Variants in POFUT3 observed in about 807,000 individuals in gnomAD.
POFUT3 encodes GDP-fucose protein O-fucosyltransferase 3.
chr8:33,417,474 T>G, the POFUT3 span, among the ~76,000 whole-genome samples: 1 of 152,128 alleles, frequency 6.6e-6, no homozygotes, highest in African/African-American at 2.4e-5. Flanking sequence ...GGTTGGGCAC[T>G]GCTGAATTAG....
chr8:33,465,637 A>G, the POFUT3 span, among the ~76,000 whole-genome samples: 1 of 151,892 alleles, frequency 6.6e-6, no homozygotes, highest in Non-Finnish European at 1.5e-5. Context: ...TAATTTTTCT[A>G]TTTGTAGTAG....
chr8:33,380,019 A>ATATATAC, the POFUT3 span, among the ~76,000 whole-genome samples: 28 of 86,206 alleles, frequency 3.2e-4, 3 homozygotes, highest in African/African-American at 1.2e-3. Context: ...TATATAGTAT[A>ATATATAC]TATATATACT....
At chr8:33,318,719 T>C in the POFUT3 span, among the ~76,000 whole-genome samples, 1 of 75,740 alleles carries the variant, frequency 1.3e-5, no homozygotes, top group East Asian at 4.3e-4. Flanking sequence ...ATAAATATAT[T>C]GTATATATAT....
chr8:33,375,738 C>G, the POFUT3 span, among the ~76,000 whole-genome samples: 3 of 151,790 alleles, frequency 2.0e-5, no homozygotes, highest in Non-Finnish European at 2.9e-5. Context: ...GTAAATAGGC[C>G]AGGTGTGGTG....
At chr8:33,364,314 C>A in the POFUT3 span, among the ~76,000 whole-genome samples, 2 of 152,176 alleles carry the variant, frequency 1.3e-5, no homozygotes, top group Non-Finnish European at 2.9e-5. Flanking sequence ...CAGCCAATAT[C>A]ATACTGAATG....
the POFUT3 span, among the ~76,000 whole-genome samples, chr8:33,404,606 T>C: frequency 6.6e-6 from 1 of 152,162 alleles, no homozygotes; most frequent in Non-Finnish European, 1.5e-5. Context: ...ATAAATGCCT[T>C]TATTGCTAAG....
the POFUT3 span, among the ~76,000 whole-genome samples, chr8:33,357,553 TAC>T: frequency 2.0e-5 from 3 of 151,880 alleles, no homozygotes; most frequent in African/African-American, 7.2e-5. Context: ...TATATATATA[TAC>T]ATATATATGT....
chr8:33,433,282 G>A, the POFUT3 span, among the ~76,000 whole-genome samples: 2 of 151,928 alleles, frequency 1.3e-5, no homozygotes, highest in Non-Finnish European at 2.9e-5. Flanking sequence ...GCCCTGCAGA[G>A]TCTGGGCAAC....
At chr8:33,309,181 T>C in the POFUT3 span, among the ~76,000 whole-genome samples, 5 of 106,080 alleles carry the variant, frequency 4.7e-5, no homozygotes, top group Non-Finnish European at 8.8e-5. Context: ...TATATATATA[T>C]ATATATATAT....
At chr8:33,323,173 A>C in the POFUT3 span, among the ~76,000 whole-genome samples, 1 of 152,176 alleles carries the variant, frequency 6.6e-6, no homozygotes, top group African/African-American at 2.4e-5. Context: ...GTAGCAAGGC[A>C]TGTGTCTGAG....
the POFUT3 span, among the ~76,000 whole-genome samples, chr8:33,388,119 C>T: frequency 6.8e-4 from 103 of 152,056 alleles, 1 homozygote; most frequent in Non-Finnish European, 1.3e-3. Context: ...TTATCCCCAC[C>T]ATTATTTCAG....
At chr8:33,392,064 G>T in the POFUT3 span, among the ~76,000 whole-genome samples, 3 of 152,124 alleles carry the variant, frequency 2.0e-5, no homozygotes, top group African/African-American at 7.2e-5. Context: ...AATAGTGGGA[G>T]ATGCTTATTA....
At chr8:33,469,471 T>G in the POFUT3 span, among the ~76,000 whole-genome samples, 7 of 152,294 alleles carry the variant, frequency 4.6e-5, no homozygotes, top group South Asian at 1.4e-3. Flanking sequence ...TAGTGCAAAT[T>G]TCAGGAGAGA....
the POFUT3 span, among the ~76,000 whole-genome samples, chr8:33,390,605 A>G: frequency 0.045 from 6,798 of 151,640 alleles, 506 homozygotes; most frequent in African/African-American, 0.16. Flanking sequence ...GAAATGTAGA[A>G]GATAGATTTT....
At chr8:33,410,461 A>G in the POFUT3 span, among the ~76,000 whole-genome samples, 1 of 151,994 alleles carries the variant, frequency 6.6e-6, no homozygotes, top group Non-Finnish European at 1.5e-5. Context: ...CCCACAGGGG[A>G]GGAGGAGCTG....
At chr8:33,443,204 CATTT>C in the POFUT3 span, among the ~76,000 whole-genome samples, 9 of 152,210 alleles carry the variant, frequency 5.9e-5, no homozygotes, top group African/African-American at 2.2e-4. Flanking sequence ...GGAATTACAT[CATTT>C]ATTAATAATT....
At chr8:33,400,882 C>T in the POFUT3 span, among the ~76,000 whole-genome samples, 2 of 152,168 alleles carry the variant, frequency 1.3e-5, no homozygotes, top group Non-Finnish European at 2.9e-5. Flanking sequence ...CTACTGACAT[C>T]GCCACGTTTT....
At chr8:33,317,708 C>T in the POFUT3 span, among the ~76,000 whole-genome samples, 2 of 151,804 alleles carry the variant, frequency 1.3e-5, no homozygotes, top group Non-Finnish European at 2.9e-5. Context: ...CCTCCTTTTT[C>T]CCCCCAGCAA....
the POFUT3 span, among the ~76,000 whole-genome samples, chr8:33,447,167 G>A: frequency 6.6e-6 from 1 of 152,174 alleles, no homozygotes. Flanking sequence ...AGTGATTCCA[G>A]GCCGGGCGCG....
Sources: allele counts gnomAD v4.1 joint callset (sites outside exome capture counted in the v4.1 genomes callset), GRCh38; gene constraint gnomAD v4.1.1; transcripts MANE v1.5; gene names NCBI Gene and HGNC (gene_info 2026-07-23, HGNC 2026-07-21).